SH3GL3: variants seen among roughly 807,000 people sequenced by gnomAD.
SH3GL3 encodes SH3 domain containing GRB2 like 3, endophilin A3.
SH3GL3 carries 33 observed loss-of-function variants against 47.7 expected under a neutral mutation model. That is an observed-to-expected ratio of 0.69 (90% confidence interval 0.52 to 0.92). The LOEUF (loss-of-function observed/expected upper bound fraction) is 0.92, where lower values mean the gene tolerates loss of function less well. SH3GL3 is among the 40% of genes least tolerant of loss of function. SH3GL3 has a pLI of 0.00. For synonymous variants in SH3GL3, 155 were observed against 148.8 expected (o/e 1.04, Z -0.30); for missense variants, 363 against 417.8 (o/e 0.87, Z 1.14).
chr15:83,627,409 A>AAAAAAG, the SH3GL3 span, among the ~76,000 whole-genome samples: 1 of 152,008 alleles, frequency 6.6e-6, no homozygotes, highest in Admixed American at 6.6e-5. Flanking sequence ...AAAAAAAAAA[A>AAAAAAG]AAAAGAAAAG....
At chr15:83,490,867 C>A in intron 1 of SH3GL3, 3 of 1,614,126 alleles carry the variant, frequency 1.9e-6, no homozygotes, top group Non-Finnish European at 2.5e-6. Flanking sequence ...AATATGCAAT[C>A]AAGCTAATAG....
At chr15:83,475,789 G>A (rs947888797) in intron 1 of SH3GL3, among the ~76,000 whole-genome samples, 6 of 152,204 alleles carry the variant, frequency 3.9e-5, no homozygotes, top group African/African-American at 1.4e-4. Context: ...TAGACTCCTG[G>A]TTGCTGAAGA....
chr15:83,617,553 G>A (rs774143791), intron 8 of SH3GL3, among the ~76,000 whole-genome samples: 8 of 152,186 alleles, frequency 5.3e-5, no homozygotes, highest in Non-Finnish European at 8.8e-5. Context: ...GCGCATGCCT[G>A]TAGTCCCAGC....
chr15:83,561,837 C>G (rs1463777569), intron 2 of SH3GL3, among the ~76,000 whole-genome samples: 1 of 152,110 alleles, frequency 6.6e-6, no homozygotes, highest in East Asian at 1.9e-4. Flanking sequence ...GTCAGTGGCA[C>G]AGGCCTTGGG....
chr15:83,499,215 A>G (rs1372323176), intron 1 of SH3GL3, among the ~76,000 whole-genome samples: 1 of 152,102 alleles, frequency 6.6e-6, no homozygotes, highest in Non-Finnish European at 1.5e-5. Flanking sequence ...AAGGCCTGGA[A>G]AAGGAGGTTT....
At chr15:83,632,319 T>C in the SH3GL3 span, among the ~76,000 whole-genome samples, 25 of 152,336 alleles carry the variant, frequency 1.6e-4, no homozygotes, top group African/African-American at 5.8e-4. Context: ...CATTTTTTGG[T>C]ATTGTAAGTT....
intron 1 of SH3GL3, among the ~76,000 whole-genome samples, chr15:83,541,538 T>C (rs747530269): frequency 1.2e-4 from 19 of 152,024 alleles, no homozygotes; most frequent in Non-Finnish European, 2.2e-4. Context: ...ATTCTATTTT[T>C]TGAGGAAATT....
At chr15:83,602,034 A>G (rs915880838) in intron 8 of SH3GL3, among the ~76,000 whole-genome samples, 20 of 152,134 alleles carry the variant, frequency 1.3e-4, no homozygotes, top group Non-Finnish European at 1.9e-4. Flanking sequence ...GAATATTCCA[A>G]GAAGATAGGT....
chr15:83,604,062 G>T (rs748140488), intron 8 of SH3GL3, among the ~76,000 whole-genome samples: 4 of 152,100 alleles, frequency 2.6e-5, no homozygotes, highest in African/African-American at 4.8e-5. Context: ...TGAAACCCGG[G>T]AGGCAGAGGT....
chr15:83,509,740 G>T (rs560390086), intron 1 of SH3GL3, among the ~76,000 whole-genome samples: 1 of 152,206 alleles, frequency 6.6e-6, no homozygotes, highest in African/African-American at 2.4e-5. Context: ...TCAGAAATAT[G>T]AATAATTCAG....
intron 8 of SH3GL3, among the ~76,000 whole-genome samples, chr15:83,617,706 C>T (rs1047448128): frequency 1.3e-5 from 2 of 152,198 alleles, no homozygotes; most frequent in African/African-American, 4.8e-5. Context: ...ATAAAAGTTT[C>T]TCGTGTATTT....
intron 1 of SH3GL3, among the ~76,000 whole-genome samples, chr15:83,520,640 G>A (rs970524438): frequency 3.3e-5 from 5 of 152,122 alleles, no homozygotes; most frequent in Admixed American, 3.3e-4. Flanking sequence ...GGGTTGTTGA[G>A]GAAGGGGCTG....
chr15:83,481,343 GC>G (rs923956210), intron 1 of SH3GL3, among the ~76,000 whole-genome samples: 15 of 151,746 alleles, frequency 9.9e-5, no homozygotes, highest in African/African-American at 3.1e-4. Flanking sequence ...ATAATTATTT[GC>G]TGAAATTGTT....
intron 1 of SH3GL3, among the ~76,000 whole-genome samples, chr15:83,506,119 T>C (rs751457781): frequency 1.8e-4 from 27 of 152,234 alleles, no homozygotes; most frequent in Non-Finnish European, 4.0e-4. Context: ...TATTAGTCTT[T>C]GCCATTATAG....
At chr15:83,530,370 C>T (rs2043614492) in intron 1 of SH3GL3, among the ~76,000 whole-genome samples, 2 of 152,174 alleles carry the variant, frequency 1.3e-5, no homozygotes, top group Non-Finnish European at 2.9e-5. Flanking sequence ...TACCCTTTCC[C>T]TGCACCGGGA....
intron 2 of SH3GL3, among the ~76,000 whole-genome samples, chr15:83,559,693 T>C (rs570935276): frequency 2.0e-5 from 3 of 152,346 alleles, no homozygotes; most frequent in East Asian, 3.9e-4. Context: ...TGCAGAATGA[T>C]TTATTTACCG....
At chr15:83,566,361 A>T (rs1375711467) in intron 3 of SH3GL3, among the ~76,000 whole-genome samples, 3 of 118,424 alleles carry the variant, frequency 2.5e-5, no homozygotes, top group Admixed American at 8.9e-5. Context: ...AGAGAGAGAG[A>T]GAGAGTGTGT....
chr15:83,606,423 A>G (rs554608486), intron 8 of SH3GL3, among the ~76,000 whole-genome samples: 235 of 152,384 alleles, frequency 1.5e-3, no homozygotes, highest in Middle Eastern at 6.8e-3. Flanking sequence ...TTAAAGATGA[A>G]CACTTTGCAA....
At chr15:83,526,339 G>A (rs1374708870) in intron 1 of SH3GL3, among the ~76,000 whole-genome samples, 1 of 152,108 alleles carries the variant, frequency 6.6e-6, no homozygotes, top group African/African-American at 2.4e-5. Flanking sequence ...AACATAAATT[G>A]TTCTATCATA....
Sources: allele counts gnomAD v4.1 joint callset (sites outside exome capture counted in the v4.1 genomes callset), GRCh38; gene constraint gnomAD v4.1.1; transcripts MANE v1.5; gene names NCBI Gene and HGNC (gene_info 2026-07-23, HGNC 2026-07-21).